ZNF384: variants seen among roughly 807,000 people sequenced by gnomAD.
ZNF384 encodes zinc finger protein 384, also known as CAG repeat protein 1.
ZNF384 carries 20 observed loss-of-function variants against 65.0 expected under a neutral mutation model. That is an observed-to-expected ratio of 0.31 (90% CI 0.22 to 0.45). The LOEUF is 0.45. Ranked by LOEUF, ZNF384 falls within the 20% of genes least tolerant of loss-of-function variation. The pLI, the probability that ZNF384 is intolerant of heterozygous loss-of-function variation, is 1.00. For synonymous variants in ZNF384, 310 were observed against 303.9 expected (o/e 1.02, Z -0.21); for missense variants, 549 against 769.4 (o/e 0.71, Z 3.39).
Position 6,667,880 on chromosome 12 carries a change from G to T in ZNF384, c.1661C>A (p.Ser554Tyr). 6.2e-7 allele frequency: 1 copy of T among 1,613,510 alleles called. No individual in the cohort carries two copies. Reference sequence around the variant, plus strand: ...CCCACCCTGGGGGGCTGCCCCAGGAGACTGGAAGTGTGGTGGTGGCTGTTG... The same window carrying T: ...CCCACCCTGGGGGGCTGCCCCAGGATACTGGAAGTGTGGTGGTGGCTGTTG... Reference protein sequence around the residue: ...QQQQPPPHFQSPGAAPQGGGG... With the variant: ...QQQQPPPHFQYPGAAPQGGGG... The change falls in exon 12 of 12, where the codon TCT becomes TAT. Residue 554 changes from serine (S) to tyrosine (Y), a missense_variant. Physicochemically the swap from Ser to Tyr is moderately radical, Grantham distance 144. Coordinates refer to ENST00000683879, the MANE Select transcript of ZNF384 (RefSeq NM_001385745.1).
At chr12:6,686,211 C>T (rs761673928) in intron 2 of ZNF384, among the ~76,000 whole-genome samples, 1 of 152,202 alleles carries the variant, frequency 6.6e-6, no homozygotes, top group Non-Finnish European at 1.5e-5. Context: ...GAAATACACT[C>T]ATCAAGTTCA....
chr12:6,670,926 T>C, intron 9 of ZNF384, 88 bp from the exon 10 acceptor site: 1 of 1,222,456 alleles, frequency 8.2e-7, no homozygotes, highest in Non-Finnish European at 1.2e-6. Context: ...CCCATCCTGC[T>C]CTCCTAAGGA....
At position 6,678,604 on chromosome 12, in the gene ZNF384, T is replaced by C. The variant is rs1954675487; in HGVS notation, c.352+59A>G. 13 of 1,511,490 alleles carry C rather than the reference T, an allele frequency of 8.6e-6. No homozygotes were observed. In the Admixed American group the frequency reaches 9.0e-5, roughly 10 times the overall value. 93.6% of individuals were successfully genotyped at this position (1,511,490 alleles called of 1,614,324 possible). On this transcript the variant is annotated intron_variant, in intron 5 of 11. Coordinates refer to ENST00000683879, the MANE Select transcript of ZNF384 (RefSeq NM_001385745.1). This position sits in a 1 kb window ranked among gnomAD's most constrained non-coding sequence, Gnocchi z 4.9. The stretch of plus-strand genomic sequence containing the variant: ...AGTACACAGGAAATCCCAAACCCTG[T>C]AGAAAAATAATGGTCTCCTAACCCT...
At chr12:6,682,046 C>T (rs1286950766) in intron 2 of ZNF384, among the ~76,000 whole-genome samples, 2 of 149,890 alleles carry the variant, frequency 1.3e-5, no homozygotes, top group African/African-American at 4.9e-5. Flanking sequence ...AATCTCAACA[C>T]TTTGGCAGGC....
intron 7 of ZNF384, among the ~76,000 whole-genome samples, chr12:6,675,958 G>A (rs1448271447): frequency 6.6e-6 from 1 of 151,610 alleles, no homozygotes. Context: ...CACTGAAGAG[G>A]GTATGGCTGA....
At chr12:6,675,221 A>C (rs1195526314) in intron 7 of ZNF384, among the ~76,000 whole-genome samples, 2 of 152,228 alleles carry the variant, frequency 1.3e-5, no homozygotes, top group Non-Finnish European at 2.9e-5. Context: ...AATGATGATG[A>C]CCACAATGAT....
In ZNF384 at chr12:6,672,144, C is replaced by T. The variant is rs955071596; in HGVS notation, c.1187+206G>A. On this transcript the variant is annotated intron_variant, in intron 9 of 11. Transcript: ENST00000683879. The surrounding 1 kb of genome is among the most constrained non-coding windows in gnomAD (Gnocchi z 4.4). ...ATATCATATAGTCACTGCAGCTCCC[C>T]GACGTAGCTCTTGCCCCAGAGAAGC... 1.2e-5 allele frequency: 7 copies of T among 572,394 alleles called. No homozygotes were observed. Among genetic ancestry groups the T allele is most frequent in the East Asian group, 8.8e-5 (3 of 34,122 alleles). The allele number at this position is 572,394 out of a possible 1,614,324, so 35.5% of individuals were successfully genotyped here.
In ZNF384 at chr12:6,678,888, T is replaced by G; in HGVS notation, c.304+58A>C. The stretch of plus-strand genomic sequence containing the variant: ...CCCATGTCCTTGGAGCCCTCCAGCC[T>G]GGGGTACTGATCATGGAAGATCAAC... On this transcript the variant is annotated intron_variant, in intron 4 of 11. Coordinates refer to ENST00000683879, the MANE Select transcript of ZNF384 (RefSeq NM_001385745.1). This position sits in a 1 kb window ranked among gnomAD's most constrained non-coding sequence, Gnocchi z 4.9. 1 of 1,570,132 alleles carries G rather than the reference T, an allele frequency of 6.4e-7. No homozygotes were observed. The highest frequency in any genetic ancestry group is 8.7e-7 in the Non-Finnish European group (1 of 1,143,192).
chr12:6,679,459 C>T lies in ZNF384; in HGVS notation c.62G>A (p.Gly21Asp), dbSNP rs1955051975. 1 of 1,613,870 alleles carries T rather than the reference C, an allele frequency of 6.2e-7. No individual in the cohort carries two copies. The highest frequency in any genetic ancestry group is 8.5e-7 in the Non-Finnish European group (1 of 1,179,882). The change falls in exon 3 of 12, where the codon GGT becomes GAT. Residue 21 changes from glycine (G) to aspartate (D), a missense_variant. Around this residue, in one of 5 missense-constraint regions of ZNF384, gnomAD observed 277 missense variants for 337.2 expected, o/e 0.82. Coordinates refer to ENST00000683879, the MANE Select transcript of ZNF384 (RefSeq NM_001385745.1). Reference sequence around the variant, plus strand: ...CAAGAAAGCAACACCACTTACCTGACCTGAGACTGTGGGGATAGAAGGCCA... The same window carrying T: ...CAAGAAAGCAACACCACTTACCTGATCTGAGACTGTGGGGATAGAAGGCCA... Reference protein sequence around the residue: ...YFWPSIPTVSGQIENTMFINK... With the variant: ...YFWPSIPTVSDQIENTMFINK...
intron 2 of ZNF384, 103 bp from the exon 3 acceptor site, chr12:6,679,628 G>C: frequency 1.2e-6 from 1 of 850,614 alleles, no homozygotes; most frequent in Non-Finnish European, 1.9e-6. Flanking sequence ...TCTGGCACCT[G>C]ATCACATGGC....
At chr12:6,686,341 C>A (rs1021953945) in intron 2 of ZNF384, among the ~76,000 whole-genome samples, 1 of 152,208 alleles carries the variant, frequency 6.6e-6, no homozygotes, top group African/African-American at 2.4e-5. Context: ...GCAACCTCCA[C>A]CTCCTGGGTT....
intron 7 of ZNF384, among the ~76,000 whole-genome samples, chr12:6,675,895 T>C (rs957547025): frequency 1.3e-5 from 2 of 152,190 alleles, no homozygotes; most frequent in South Asian, 2.1e-4. Flanking sequence ...TACGTTGACT[T>C]GACCAGAGTA....
chr12:6,680,955 G>A (rs1955692763), intron 2 of ZNF384, among the ~76,000 whole-genome samples: 1 of 152,046 alleles, frequency 6.6e-6, no homozygotes, highest in Non-Finnish European at 1.5e-5. Context: ...GGTAGCTCAC[G>A]CCTGTAATCC....
rs1949897097 is a variant in ZNF384, at chr12:6,666,805, T to C, written c.*909A>G. The C allele has an allele frequency of 5.9e-6, 1 of 169,432 alleles. No individual in the cohort carries two copies. Among genetic ancestry groups the C allele is most frequent in the Non-Finnish European group, 1.3e-5 (1 of 78,754 alleles). 10.5% of individuals were successfully genotyped at this position (169,432 alleles called of 1,614,324 possible). Reference sequence around the variant, plus strand: ...CAAAGATGGCCGTGATGAGTGAGTATAATATATTTATATATATATATTTAT... The same window carrying C: ...CAAAGATGGCCGTGATGAGTGAGTACAATATATTTATATATATATATTTAT... On this transcript the variant is annotated 3_prime_UTR_variant, in exon 12 of 12. Coordinates refer to ENST00000683879, the MANE Select transcript of ZNF384 (RefSeq NM_001385745.1).
chr12:6,669,942 GCACACACACA>G (rs144377238), intron 10 of ZNF384, among the ~76,000 whole-genome samples: 1 of 139,154 alleles, frequency 7.2e-6, no homozygotes, highest in Non-Finnish European at 1.7e-5. Flanking sequence ...ACGCGCGCGC[GCACACACACA>G]CACACACACA....
In ZNF384 at chr12:6,672,981, GAC is replaced by G. The variant is rs1172233210; in HGVS notation, c.1004+233_1004+234del. 1.8e-6 allele frequency: 1 copy of G among 543,694 alleles called. No individual in the cohort carries two copies. The highest frequency in any genetic ancestry group is 1.9e-5 in the African/African-American group (1 of 52,850). 33.7% of individuals were successfully genotyped at this position (543,694 alleles called of 1,614,324 possible). On this transcript the variant is annotated intron_variant, in intron 8 of 11. Coordinates refer to ENST00000683879, the MANE Select transcript of ZNF384 (RefSeq NM_001385745.1). The surrounding 1 kb of genome is among the most constrained non-coding windows in gnomAD (Gnocchi z 4.4). ...GCTCTGCAGAAGATTTCCAAACACA[GAC>G]ACAGAGAGAAACCACAAAAATTGTT...
chr12:6,674,910 A>C (rs1314354711), intron 7 of ZNF384, among the ~76,000 whole-genome samples: 2 of 152,250 alleles, frequency 1.3e-5, no homozygotes, highest in Non-Finnish European at 2.9e-5. Context: ...CTAAGACTGA[A>C]GTTAGAAGCT....
rs886175578 is a variant in ZNF384, at chr12:6,687,641, GT to G, written c.-6+525del. 5.2e-4 allele frequency among the ~76,000 whole-genome samples: 78 copies of G among 149,506 alleles called. 1 individual carries two copies. The highest frequency in any genetic ancestry group is 1.6e-3 in the African/African-American group (64 of 40,740). ...TTCACTCCAGACTAACCATGAAGCA[GT>G]TTTTTTTTTCCCCTGAAAATTTCAT... On this transcript the variant is annotated intron_variant, in intron 2 of 11. Coordinates refer to ENST00000683879, the MANE Select transcript of ZNF384 (RefSeq NM_001385745.1).
At chr12:6,670,502 G>C (rs1232995615) in intron 10 of ZNF384, among the ~76,000 whole-genome samples, 1 of 152,056 alleles carries the variant, frequency 6.6e-6, no homozygotes, top group Non-Finnish European at 1.5e-5. Flanking sequence ...GGAGGGTCTT[G>C]GAATATGTTA....
Sources: gnomAD v4.1 joint callset for allele counts (sites outside exome capture counted in the v4.1 genomes callset) on GRCh38, gnomAD v4.1.1 for gene constraint, gnomAD v4.1.1 regional missense constraint, Gnocchi (gnomAD v3.1) non-coding constraint, MANE v1.5 for transcripts, NCBI Gene and HGNC (gene_info 2026-07-23, HGNC 2026-07-21) for gene names.